OXR1: variants seen among roughly 807,000 people sequenced by gnomAD.
OXR1 encodes oxidation resistance 1.
OXR1 carries 41 observed loss-of-function variants against 104.6 expected under a neutral mutation model. The ratio of observed to expected loss-of-function variants is 0.39; its 90% CI spans 0.31 to 0.51. OXR1 has a LOEUF of 0.51. Ranked by LOEUF, OXR1 falls within the 20% of genes least tolerant of loss-of-function variation. OXR1 has a pLI of 0.77. For synonymous variants in OXR1, 348 were observed against 348.4 expected, an observed-to-expected ratio of 1.00 and a Z score of 0.01; for missense variants, 955 against 1,031.9, an observed-to-expected ratio of 0.93 and a Z score of 1.02.
chr8:106,422,785 C>T (rs1284039675), intron 2 of OXR1, among the ~76,000 whole-genome samples: 1 of 152,148 alleles, frequency 6.6e-6, no homozygotes. Context: ...AGGTCACAGT[C>T]AGTTGTAGAG....
chr8:106,738,765 A>G (rs1265958272), intron 12 of OXR1, among the ~76,000 whole-genome samples: 1 of 143,598 alleles, frequency 7.0e-6, no homozygotes, highest in Non-Finnish European at 1.5e-5. Context: ...CAAGCAAAAA[A>G]GCATGTATTC....
At chr8:106,531,853 G>A (rs143833875) in intron 3 of OXR1, among the ~76,000 whole-genome samples, 18 of 152,218 alleles carry the variant, frequency 1.2e-4, no homozygotes, top group African/African-American at 1.9e-4. Context: ...AAAAACACTC[G>A]TGTAAATAAA....
At chr8:106,654,340 C>T (rs1009182734) in intron 3 of OXR1, among the ~76,000 whole-genome samples, 1 of 151,992 alleles carries the variant, frequency 6.6e-6, no homozygotes. Flanking sequence ...ATGGTATTGG[C>T]ATGGGTTTAG....
intron 3 of OXR1, among the ~76,000 whole-genome samples, chr8:106,595,620 A>G (rs545289733): frequency 3.3e-5 from 5 of 151,814 alleles, no homozygotes; most frequent in East Asian, 3.9e-4. Flanking sequence ...TCATGGGGGG[A>G]AAATAGGAAG....
At chr8:106,313,242 A>G (rs1813783661) in intron 1 of OXR1, among the ~76,000 whole-genome samples, 2 of 152,130 alleles carry the variant, frequency 1.3e-5, no homozygotes, top group Non-Finnish European at 1.5e-5. Context: ...GTGAAGATTT[A>G]ATATTGCCTT....
intron 1 of OXR1, among the ~76,000 whole-genome samples, chr8:106,346,112 C>CT (rs1554625912): frequency 4.5e-5 from 6 of 133,654 alleles, no homozygotes; most frequent in East Asian, 4.8e-4. Context: ...CCCCTACCGC[C>CT]GCCAGTGAAT....
At chr8:106,685,545 C>T (rs1037468465) in intron 6 of OXR1, among the ~76,000 whole-genome samples, 1 of 152,158 alleles carries the variant, frequency 6.6e-6, no homozygotes, top group African/African-American at 2.4e-5. Flanking sequence ...CCCCTTCTTA[C>T]TTTTGCCATT....
intron 3 of OXR1, among the ~76,000 whole-genome samples, chr8:106,529,911 G>T (rs1015323647): frequency 6.6e-6 from 1 of 152,152 alleles, no homozygotes; most frequent in Non-Finnish European, 1.5e-5. Context: ...ATTGTTCATG[G>T]TTGAGAAATA....
intron 2 of OXR1, 77 bp from the exon 3 acceptor site, chr8:106,518,866 T>A: frequency 1.8e-6 from 2 of 1,100,966 alleles, no homozygotes; most frequent in East Asian, 2.6e-5. Context: ...ACTCAATTGT[T>A]GAAAAAAAAT....
chr8:106,352,515 A>G (rs1320701513), intron 1 of OXR1, among the ~76,000 whole-genome samples: 2 of 152,226 alleles, frequency 1.3e-5, no homozygotes, highest in Non-Finnish European at 2.9e-5. Context: ...TATCATGTGT[A>G]TAAGGATATA....
chr8:106,339,515 AAAAAATATATAT>A lies in OXR1; in HGVS notation c.-138-19959_-138-19948del, dbSNP rs1195464341. Among the ~76,000 whole-genome samples, 21 of 31,262 alleles carry A rather than the reference AAAAAATATATAT, an allele frequency of 6.7e-4. 1 individual carries two copies. Among genetic ancestry groups the A allele is most frequent in the African/African-American group, 2.1e-3 (11 of 5,252 alleles). The allele number at this position is 31,262 out of a possible 152,430, so 20.5% of individuals were successfully genotyped here. A position where few individuals can be genotyped will look rare whatever the true frequency, so the allele number is the denominator to read the frequency against. On this transcript the variant is annotated intron_variant, in intron 1 of 16. Transcript: ENST00000517566. ...TCCAAAAAAAAAAAAAAAAAAAAAA[AAAAAATATATAT>A]ATATATATATATATATATATATATA...
intron 2 of OXR1, among the ~76,000 whole-genome samples, chr8:106,418,404 A>G (rs965571911): frequency 6.6e-6 from 1 of 152,032 alleles, no homozygotes; most frequent in African/African-American, 2.4e-5. Flanking sequence ...TTCAAATGTT[A>G]CAATATAAAG....
intron 2 of OXR1, among the ~76,000 whole-genome samples, chr8:106,501,954 A>G (rs961121542): frequency 1.3e-5 from 2 of 152,224 alleles, no homozygotes; most frequent in African/African-American, 2.4e-5. Flanking sequence ...TTCATAATCT[A>G]TAGTACTTTG....
intron 1 of OXR1, among the ~76,000 whole-genome samples, chr8:106,346,697 T>G (rs1490313989): frequency 1.3e-5 from 2 of 152,222 alleles, no homozygotes; most frequent in Middle Eastern, 3.4e-3. Context: ...CACTGAATCT[T>G]CAGTGGTACT....
chr8:106,717,348 TTTTA>T (rs1832366784), intron 11 of OXR1, among the ~76,000 whole-genome samples: 1 of 152,184 alleles, frequency 6.6e-6, no homozygotes, highest in East Asian at 1.9e-4. Flanking sequence ...CCGTGATGTT[TTTTA>T]TTTTTTTGTT....
At chr8:106,286,609 T>C (rs946493257) in intron 1 of OXR1, among the ~76,000 whole-genome samples, 1 of 152,206 alleles carries the variant, frequency 6.6e-6, no homozygotes, top group Admixed American at 6.5e-5. Context: ...AAAACCTGTT[T>C]ACATTCCGAG....
At chr8:106,719,665 C>G (rs1024148987) in intron 11 of OXR1, among the ~76,000 whole-genome samples, 1 of 152,112 alleles carries the variant, frequency 6.6e-6, no homozygotes, top group Non-Finnish European at 1.5e-5. Context: ...GAATGTCACA[C>G]AGTCTGGAAT....
intron 11 of OXR1, chr8:106,729,890 G>C (rs1225546451): frequency 6.6e-6 from 1 of 152,062 alleles, no homozygotes; most frequent in African/African-American, 2.4e-5. Flanking sequence ...TCTTATGTAT[G>C]CAAGTTATGA....
chr8:106,696,364 C>T (rs1228480578), intron 7 of OXR1, among the ~76,000 whole-genome samples: 2 of 152,120 alleles, frequency 1.3e-5, no homozygotes, highest in African/African-American at 4.8e-5. Context: ...GTAGTTTATC[C>T]ATTCCACTAT....
Sources: gnomAD v4.1 joint callset for allele counts (sites outside exome capture counted in the v4.1 genomes callset) on GRCh38, gnomAD v4.1.1 for gene constraint, MANE v1.5 for transcripts, NCBI Gene and HGNC (gene_info 2026-07-23, HGNC 2026-07-21) for gene names.